The following PAM variants were observed in gnomAD, a reference collection of about 807,000 sequenced individuals.
PAM encodes peptidyl-glycine alpha-amidating monooxygenase.
Under a neutral mutation model 122.1 loss-of-function variants are expected in PAM, and 72 were observed. That is an observed-to-expected ratio of 0.59 (90% CI 0.49 to 0.72). PAM has a LOEUF of 0.72. PAM is among the 30% of genes least tolerant of loss of function. The pLI is 0.00. For missense variants in PAM, 1,106 were observed against 1,183.7 expected (o/e 0.93, Z 0.96); for synonymous variants, 389 against 404.4 (o/e 0.96, Z 0.46).
intron 1 of PAM, among the ~76,000 whole-genome samples, chr5:102,850,176 A>T (rs1310588784): frequency 3.3e-5 from 5 of 152,200 alleles, no homozygotes; most frequent in Non-Finnish European, 7.3e-5. Flanking sequence ...TGGGGATATA[A>T]CAGTGGAATG....
chr5:103,001,890 A>C (rs1777496405), intron 16 of PAM, among the ~76,000 whole-genome samples: 1 of 152,092 alleles, frequency 6.6e-6, no homozygotes, highest in Admixed American at 6.6e-5. Context: ...TTGCTTAACC[A>C]GTTGCACTAC....
At chr5:102,807,613 A>G (rs899673299) in intron 1 of PAM, among the ~76,000 whole-genome samples, 1 of 152,194 alleles carries the variant, frequency 6.6e-6, no homozygotes, top group Non-Finnish European at 1.5e-5. Context: ...GGCAGCTGCC[A>G]CCTCATGGAG....
chr5:102,836,212 T>C (rs527598858), intron 1 of PAM, among the ~76,000 whole-genome samples: 1 of 152,350 alleles, frequency 6.6e-6, no homozygotes, highest in African/African-American at 2.4e-5. Context: ...TATTTTATGT[T>C]GAAAAATCTA....
chr5:102,868,679 T>C (rs1039695343), intron 3 of PAM, among the ~76,000 whole-genome samples: 2 of 151,674 alleles, frequency 1.3e-5, no homozygotes, highest in African/African-American at 4.8e-5. Flanking sequence ...GAACTGAATG[T>C]ATTTTTTTTA....
At chr5:103,027,077 A>T (rs915380497) in intron 24 of PAM, among the ~76,000 whole-genome samples, 3 of 152,170 alleles carry the variant, frequency 2.0e-5, no homozygotes, top group Non-Finnish European at 4.4e-5. Context: ...TAGTAGTAGT[A>T]GATCAGCTTC....
intron 1 of PAM, among the ~76,000 whole-genome samples, chr5:102,770,217 G>C (rs908717076): frequency 1.3e-5 from 2 of 151,968 alleles, no homozygotes; most frequent in African/African-American, 2.4e-5. Flanking sequence ...ATATTGATTT[G>C]TATTCTGCAA....
chr5:102,876,676 G>A (rs1385376971), intron 3 of PAM, among the ~76,000 whole-genome samples: 1 of 152,186 alleles, frequency 6.6e-6, no homozygotes, highest in Non-Finnish European at 1.5e-5. Flanking sequence ...AGTATGTGGG[G>A]GCTCAGTAGA....
chr5:102,877,315 T>G (rs1391294696), intron 3 of PAM, among the ~76,000 whole-genome samples: 1 of 152,232 alleles, frequency 6.6e-6, no homozygotes, highest in African/African-American at 2.4e-5. Context: ...AGGCCCTATA[T>G]GATAAATACA....
At chr5:103,019,683 G>T (rs1413249680) in intron 22 of PAM, 107 bp from the exon 23 acceptor site, 28 of 739,260 alleles carry the variant, frequency 3.8e-5, no homozygotes, top group Non-Finnish European at 5.3e-5. Context: ...TGCATTTGAT[G>T]AATTAAGGAA....
chr5:102,813,075 GAAAA>G (rs1032189821), intron 1 of PAM, among the ~76,000 whole-genome samples: 1 of 143,264 alleles, frequency 7.0e-6, no homozygotes, highest in Admixed American at 7.0e-5. Flanking sequence ...TTGCTTATTT[GAAAA>G]AAAAAAACCT....
intron 3 of PAM, among the ~76,000 whole-genome samples, chr5:102,878,385 C>G (rs1216162471): frequency 6.6e-6 from 1 of 152,018 alleles, no homozygotes. Flanking sequence ...CAGTATAGCA[C>G]ATACAATTCT....
chr5:102,818,086 T>C (rs1268031922), intron 1 of PAM, among the ~76,000 whole-genome samples: 2 of 145,640 alleles, frequency 1.4e-5, no homozygotes, highest in East Asian at 2.2e-4. Context: ...GCCCAACTGC[T>C]CCCAATAACC....
chr5:102,895,496 T>C (rs1014984944), intron 3 of PAM, among the ~76,000 whole-genome samples: 2 of 151,656 alleles, frequency 1.3e-5, no homozygotes, highest in Non-Finnish European at 2.9e-5. Flanking sequence ...TGTGCAGCCA[T>C]TGAAAGAGAT....
intron 1 of PAM, among the ~76,000 whole-genome samples, chr5:102,862,263 GTAACTA>G (rs899492147): frequency 2.1e-5 from 3 of 140,160 alleles, no homozygotes; most frequent in African/African-American, 8.0e-5. Context: ...TCTGGTTTTT[GTAACTA>G]TAAGTTTTTT....
intron 4 of PAM, among the ~76,000 whole-genome samples, chr5:102,910,713 C>A (rs1801138122): frequency 6.6e-6 from 1 of 151,908 alleles, no homozygotes; most frequent in African/African-American, 2.4e-5. Context: ...TTTATTCTGC[C>A]TGTCAGAATC....
intron 7 of PAM, among the ~76,000 whole-genome samples, chr5:102,928,875 CTCTA>C (rs1750504448): frequency 6.6e-6 from 1 of 152,036 alleles, no homozygotes; most frequent in Non-Finnish European, 1.5e-5. Flanking sequence ...AAAAATGCTA[CTCTA>C]TCTACCCAGT....
At chr5:103,009,958 A>G (rs570179129) in intron 21 of PAM, 92 bp downstream of exon 21, 2 of 500,090 alleles carry the variant, frequency 4.0e-6, no homozygotes, top group Non-Finnish European at 6.8e-6. Context: ...ATAGCTTTAG[A>G]AAAACTTTTA....
At chr5:102,774,189 T>C (rs1425758808) in intron 1 of PAM, among the ~76,000 whole-genome samples, 2 of 152,148 alleles carry the variant, frequency 1.3e-5, no homozygotes, top group Non-Finnish European at 2.9e-5. Context: ...TGCATGTGTC[T>C]TTATGATAGA....
At chr5:102,927,559 G>A (rs886654083) in intron 7 of PAM, among the ~76,000 whole-genome samples, 2 of 152,010 alleles carry the variant, frequency 1.3e-5, no homozygotes, top group East Asian at 3.9e-4. Context: ...GGAAGTAGAT[G>A]TCCATCTCTG....
Sources: gnomAD v4.1 joint callset for allele counts (sites outside exome capture counted in the v4.1 genomes callset) on GRCh38, gnomAD v4.1.1 for gene constraint, MANE v1.5 for transcripts, NCBI Gene and HGNC (gene_info 2026-07-23, HGNC 2026-07-21) for gene names.